TRDN: variants seen among roughly 807,000 people sequenced by gnomAD.
The protein encoded by TRDN is triadin in skeletal muscle.
A neutral mutation model predicts 149.7 loss-of-function variants in TRDN; 161 were observed. The ratio of observed to expected loss-of-function variants is 1.08; its 90% CI spans 0.95 to 1.23. The LOEUF is 1.23. Ranked by LOEUF, TRDN falls within the 50% of genes most tolerant of loss-of-function variation. The probability of loss-of-function intolerance (pLI) is 0.00; values close to 1 mark genes in which losing one functional copy is unlikely to be tolerated. For synonymous variants in TRDN, 294 were observed against 250.5 expected (o/e 1.17, Z -1.64); for missense variants, 896 against 823.5 (o/e 1.09, Z -1.08).
chr6:123,281,262 G>T (rs759365019), intron 24 of TRDN, among the ~76,000 whole-genome samples: 5 of 151,920 alleles, frequency 3.3e-5, no homozygotes, highest in Non-Finnish European at 5.9e-5. Flanking sequence ...AGAACAAAAG[G>T]CTGAGAACCT....
intron 12 of TRDN, among the ~76,000 whole-genome samples, chr6:123,433,145 TATATATATATATATATA>T (rs1288027933): frequency 0.067 from 4,257 of 63,854 alleles, 236 homozygotes; most frequent in African/African-American, 0.17. Flanking sequence ...ACATCATAAA[TATATATATATATATATA>T]ATATATATAT....
At chr6:123,358,312 G>A (rs1372337482) in intron 20 of TRDN, among the ~76,000 whole-genome samples, 2 of 152,104 alleles carry the variant, frequency 1.3e-5, no homozygotes, top group Non-Finnish European at 2.9e-5. Flanking sequence ...ACTGGGAGCT[G>A]GGACGTTGAT....
chr6:123,621,061 C>T (rs975369008), intron 1 of TRDN, among the ~76,000 whole-genome samples: 1 of 152,000 alleles, frequency 6.6e-6, no homozygotes, highest in African/African-American at 2.4e-5. Flanking sequence ...TGGTCCAGCT[C>T]CAAGTAAAAT....
intron 21 of TRDN, among the ~76,000 whole-genome samples, chr6:123,340,264 A>G (rs946891288): frequency 3.3e-4 from 50 of 152,222 alleles, no homozygotes; most frequent in African/African-American, 1.2e-3. Flanking sequence ...ACAAGCATAA[A>G]CATTTTGAAT....
intron 9 of TRDN, among the ~76,000 whole-genome samples, chr6:123,494,431 T>C (rs1471596082): frequency 1.3e-5 from 2 of 152,196 alleles, no homozygotes; most frequent in Non-Finnish European, 2.9e-5. Flanking sequence ...AGTGCATGGT[T>C]CTCTGTGTCT....
intron 2 of TRDN, among the ~76,000 whole-genome samples, chr6:123,558,383 G>C (rs986099264): frequency 6.6e-6 from 1 of 151,912 alleles, no homozygotes; most frequent in African/African-American, 2.4e-5. Flanking sequence ...CCTCACACCC[G>C]GTCCGGCTTA....
chr6:123,495,132 C>A (rs1000026314), intron 9 of TRDN, among the ~76,000 whole-genome samples: 1 of 152,132 alleles, frequency 6.6e-6, no homozygotes, highest in Non-Finnish European at 1.5e-5. Flanking sequence ...CACACCCCTG[C>A]AGCCCCAACC....
At chr6:123,516,077 A>G (rs1380045805) in intron 6 of TRDN, 64 bp downstream of exon 6, 7 of 1,336,944 alleles carry the variant, frequency 5.2e-6, no homozygotes, top group Non-Finnish European at 5.8e-6. Flanking sequence ...ATCTGAATGT[A>G]AAGAGTAGGA....
rs1786349594 is a variant in TRDN at position 123,636,838 on chromosome 6, T to A, written c.-63A>T. 5.6e-6 allele frequency: 9 copies of A among 1,604,666 alleles called. No homozygotes were observed. In the South Asian group the frequency reaches 8.8e-5, roughly 16 times the overall value. Reference sequence around the variant, plus strand: ...CGTCAAGTTGCACTTTGCAGAGTATTTGGGGATTTGAGAACTCTGGTGGAG... The same window carrying A: ...CGTCAAGTTGCACTTTGCAGAGTATATGGGGATTTGAGAACTCTGGTGGAG... On this transcript the variant is annotated 5_prime_UTR_variant, in exon 1 of 41. Coordinates refer to ENST00000334268, the MANE Select transcript of TRDN (RefSeq NM_006073.4).
chr6:123,435,496 G>A (rs1774517848), intron 12 of TRDN, among the ~76,000 whole-genome samples: 1 of 148,740 alleles, frequency 6.7e-6, no homozygotes, highest in South Asian at 2.1e-4. Context: ...CAATCTCTCT[G>A]TCTCTCTCTC....
intron 38 of TRDN, among the ~76,000 whole-genome samples, chr6:123,239,749 G>A (rs927063237): frequency 2.6e-5 from 4 of 152,110 alleles, no homozygotes; most frequent in African/African-American, 9.6e-5. Flanking sequence ...TGCTGAAATA[G>A]TGCTTAAAGG....
chr6:123,585,990 T>C (rs1454185131), intron 1 of TRDN, among the ~76,000 whole-genome samples: 3 of 152,100 alleles, frequency 2.0e-5, no homozygotes, highest in Admixed American at 1.3e-4. Context: ...GATTGGGTAA[T>C]AAAATGTATT....
At chr6:123,512,159 G>T in intron 7 of TRDN, 144 bp downstream of exon 7, 1 of 508,608 alleles carries the variant, frequency 2.0e-6, no homozygotes, top group Non-Finnish European at 3.6e-6. Flanking sequence ...TATTCTTTTA[G>T]ATATTAAATT....
intron 35 of TRDN, among the ~76,000 whole-genome samples, chr6:123,256,797 T>C (rs1220012762): frequency 6.6e-6 from 1 of 152,076 alleles, no homozygotes; most frequent in East Asian, 1.9e-4. Context: ...TAGTTCCTTT[T>C]GCTGTGCAGA....
At chr6:123,520,904 A>T (rs953946730) in intron 5 of TRDN, among the ~76,000 whole-genome samples, 1 of 152,156 alleles carries the variant, frequency 6.6e-6, no homozygotes, top group African/African-American at 2.4e-5. Context: ...TAAGGAGTTA[A>T]TGAAGTGCAG....
intron 38 of TRDN, among the ~76,000 whole-genome samples, chr6:123,251,537 G>A (rs1366952904): frequency 6.6e-6 from 1 of 151,560 alleles, no homozygotes; most frequent in East Asian, 1.9e-4. Context: ...GTTTTGTTTT[G>A]TCTTTTAATG....
intron 1 of TRDN, among the ~76,000 whole-genome samples, chr6:123,591,600 C>T (rs1783784845): frequency 6.6e-6 from 1 of 152,060 alleles, no homozygotes; most frequent in African/African-American, 2.4e-5. Flanking sequence ...ATAGTTTTGC[C>T]CAAACCTCTA....
intron 1 of TRDN, among the ~76,000 whole-genome samples, chr6:123,577,112 C>T (rs1320039792): frequency 6.6e-6 from 1 of 152,014 alleles, no homozygotes; most frequent in African/African-American, 2.4e-5. Context: ...GCTGCTTTGA[C>T]AAAATACTAT....
chr6:123,579,862 C>T (rs1783036569), intron 1 of TRDN, among the ~76,000 whole-genome samples: 1 of 152,116 alleles, frequency 6.6e-6, no homozygotes, highest in Non-Finnish European at 1.5e-5. Flanking sequence ...AGGGGCTCTG[C>T]CCCCTCCCTC....
Sources: allele counts gnomAD v4.1 joint callset (sites outside exome capture counted in the v4.1 genomes callset), GRCh38; gene constraint gnomAD v4.1.1; transcripts MANE v1.5; gene names NCBI Gene and HGNC (gene_info 2026-07-23, HGNC 2026-07-21).